Variants in CCDC138 observed in about 807,000 individuals in gnomAD.
The protein encoded by CCDC138 is coiled-coil domain containing 138.
CCDC138 carries 66 observed loss-of-function variants against 82.3 expected under a neutral mutation model. The ratio of observed to expected loss-of-function variants is 0.80; its 90% CI spans 0.66 to 0.98. The LOEUF is 0.98. CCDC138 is among the 50% of genes least tolerant of loss of function. The pLI is 0.00. For synonymous variants in CCDC138, 297 were observed against 265.4 expected (o/e 1.12, Z -1.16); for missense variants, 816 against 758.9 (o/e 1.08, Z -0.88).
intron 10 of CCDC138, among the ~76,000 whole-genome samples, chr2:108,830,763 AC>A (rs748248126): frequency 3.3e-5 from 5 of 152,018 alleles, no homozygotes; most frequent in Non-Finnish European, 5.9e-5. Flanking sequence ...ATCTGAGATC[AC>A]GCCATTGCAC....
intron 10 of CCDC138, 46 bp from the exon 11 acceptor site, chr2:108,839,139 A>T: frequency 6.5e-7 from 1 of 1,536,864 alleles, no homozygotes; most frequent in Admixed American, 2.1e-5. Context: ...TAAGACATTT[A>T]AAAATACTGT....
At chr2:108,793,464 G>A (rs2149459888) in intron 4 of CCDC138, among the ~76,000 whole-genome samples, 1 of 152,324 alleles carries the variant, frequency 6.6e-6, no homozygotes, top group East Asian at 1.9e-4. Context: ...ACCTACTGCT[G>A]TTGGGAGAGT....
chr2:108,796,437 C>G (rs916862461), intron 5 of CCDC138, among the ~76,000 whole-genome samples: 1 of 152,124 alleles, frequency 6.6e-6, no homozygotes, highest in East Asian at 1.9e-4. Flanking sequence ...GTTCCTTAAA[C>G]TATAAGTAGA....
In CCDC138 at chr2:108,839,239, C is replaced by T. The variant is rs745904538; in HGVS notation, c.1261C>T (p.Leu421Phe). 1 of 1,612,622 alleles carries T rather than the reference C, an allele frequency of 6.2e-7. No homozygotes were observed. The highest frequency in any genetic ancestry group is 1.1e-5 in the South Asian group (1 of 90,958). ...LQWMPFVNIK[L>F]HEPFVKFIYW... Reference sequence around the variant, plus strand: ...GTGGATGCCATTTGTGAATATCAAACTTCACGAGCCTTTTGTAAAATTTAT... The same window carrying T: ...GTGGATGCCATTTGTGAATATCAAATTTCACGAGCCTTTTGTAAAATTTAT... Residue 421 changes from leucine (L) to phenylalanine (F), a missense_variant, in exon 11 of 15, where the codon CTT becomes TTT. Transcript: ENST00000295124.
At chr2:108,881,605 T>G (rs1696293336) in intron 1 of CCDC138, among the ~76,000 whole-genome samples, 1 of 152,216 alleles carries the variant, frequency 6.6e-6, no homozygotes, top group Non-Finnish European at 1.5e-5. Flanking sequence ...TTTCTAGCTT[T>G]TCATTTAAAG....
chr2:108,813,498 A>G (rs1457512562), intron 9 of CCDC138, among the ~76,000 whole-genome samples: 2 of 152,170 alleles, frequency 1.3e-5, no homozygotes, highest in African/African-American at 4.8e-5. Flanking sequence ...CACATCATTA[A>G]TGGCTTTATT....
intron 4 of CCDC138, 79 bp from the exon 5 acceptor site, chr2:108,794,461 T>A (rs1680508221): frequency 7.9e-7 from 1 of 1,270,998 alleles, no homozygotes; most frequent in Non-Finnish European, 1.1e-6. Context: ...TTAAAGCATC[T>A]CTTCCTAAAG....
At chr2:108,807,306 G>T (rs923056128) in intron 7 of CCDC138, among the ~76,000 whole-genome samples, 2 of 152,028 alleles carry the variant, frequency 1.3e-5, no homozygotes, top group African/African-American at 2.4e-5. Flanking sequence ...CTATGGAAAG[G>T]AATTAAATTG....
In CCDC138 at chr2:108,871,842, CTTTTG is replaced by C. The variant is rs528402060; in HGVS notation, c.1694-1602_1694-1598del. ...TTTTAGTCATAGTTTATCTTTTTAC[CTTTTG>C]TTTTGTGACTACCATTTCCACATTT... is the stretch of plus-strand genomic sequence containing the variant. On this transcript the variant is annotated intron_variant, in intron 13 of 14. Transcript: ENST00000295124. Among the ~76,000 whole-genome samples, 6 of 151,982 alleles carry C rather than the reference CTTTTG, an allele frequency of 3.9e-5. No homozygotes were observed. The East Asian group carries it at 1.2e-3, about 29-fold the overall frequency.
chr2:108,860,238 CTT>C (rs931190294), intron 13 of CCDC138, among the ~76,000 whole-genome samples: 1 of 151,924 alleles, frequency 6.6e-6, no homozygotes, highest in African/African-American at 2.4e-5. Context: ...GTCTGGGAGT[CTT>C]TTGGCAAGAT....
chr2:108,793,763 AT>A (rs977960110), intron 4 of CCDC138, among the ~76,000 whole-genome samples: 129 of 145,198 alleles, frequency 8.9e-4, no homozygotes, highest in Non-Finnish European at 9.0e-4. Context: ...CGCCCGGCTA[AT>A]TTTTTTTTTT....
chr2:108,803,232 C>T lies in CCDC138; in HGVS notation c.736-1657C>T, dbSNP rs57494319. On this transcript the variant is annotated intron_variant, in intron 6 of 14. Coordinates refer to ENST00000295124, the MANE Select transcript of CCDC138 (RefSeq NM_144978.3). ...TACTGCTTTTGGTCTGTCCTGTGCCCGCCTGAGCGGCTCAAAGTTGAGCCC... is the reference window on the plus strand; with the variant it reads ...TACTGCTTTTGGTCTGTCCTGTGCCTGCCTGAGCGGCTCAAAGTTGAGCCC... Among the ~76,000 whole-genome samples the T allele has an allele frequency of 4.5e-3, 681 of 152,266 alleles. 4 individuals carry two copies. The highest frequency in any genetic ancestry group is 0.016 in the African/African-American group (649 of 41,548).
At chr2:108,863,043 T>C (rs934372572) in intron 13 of CCDC138, among the ~76,000 whole-genome samples, 3 of 152,242 alleles carry the variant, frequency 2.0e-5, no homozygotes, top group African/African-American at 7.2e-5. Context: ...TACTTCTGAA[T>C]ATATCCATAT....
chr2:108,816,537 AG>A (rs1226645215), intron 10 of CCDC138, among the ~76,000 whole-genome samples: 1 of 66,916 alleles, frequency 1.5e-5, no homozygotes, highest in Non-Finnish European at 3.2e-5. Context: ...GAGGTGATGC[AG>A]GGTATCACAT....
At chr2:108,832,496 C>T (rs899310403) in intron 10 of CCDC138, among the ~76,000 whole-genome samples, 8 of 151,816 alleles carry the variant, frequency 5.3e-5, no homozygotes, top group South Asian at 2.1e-4. Flanking sequence ...TACAGGCATG[C>T]GCCACCACAC....
chr2:108,850,855 T>C (rs1467978768), intron 12 of CCDC138, among the ~76,000 whole-genome samples: 1 of 152,146 alleles, frequency 6.6e-6, no homozygotes, highest in Non-Finnish European at 1.5e-5. Flanking sequence ...AGAAGACTTC[T>C]GTGACAAAAT....
intron 13 of CCDC138, among the ~76,000 whole-genome samples, chr2:108,857,720 G>A (rs1347205944): frequency 6.6e-6 from 1 of 152,160 alleles, no homozygotes; most frequent in Non-Finnish European, 1.5e-5. Flanking sequence ...CTAATGTAAG[G>A]AGTAGAATGA....
intron 11 of CCDC138, among the ~76,000 whole-genome samples, chr2:108,841,351 T>G (rs1475935052): frequency 1.3e-5 from 2 of 152,312 alleles, no homozygotes; most frequent in East Asian, 1.9e-4. Context: ...TGTGGAGAGA[T>G]AGATGGATGT....
intron 5 of CCDC138, 88 bp from the exon 6 acceptor site, chr2:108,798,340 T>G: frequency 6.9e-7 from 1 of 1,457,024 alleles, no homozygotes; most frequent in Non-Finnish European, 9.3e-7. Flanking sequence ...GAAAACCACT[T>G]GGTTAAACCA....
Sources: allele counts gnomAD v4.1 joint callset (sites outside exome capture counted in the v4.1 genomes callset), GRCh38; gene constraint gnomAD v4.1.1; transcripts MANE v1.5; gene names NCBI Gene and HGNC (gene_info 2026-07-23, HGNC 2026-07-21).